Variants in ATF6 observed in about 807,000 individuals in gnomAD.
ATF6 encodes activating transcription factor 6.
A neutral mutation model predicts 83.6 loss-of-function variants in ATF6; 53 were observed. That is an observed-to-expected ratio of 0.63 (90% CI 0.51 to 0.80). The LOEUF is 0.80. Among genes scored for constraint, ATF6 ranks in the 30% least tolerant of loss-of-function variants. ATF6 has a pLI of 0.00. For synonymous variants in ATF6, 288 were observed against 285.8 expected, an observed-to-expected ratio of 1.01 and a Z score of -0.08; for missense variants, 744 against 797.9, an observed-to-expected ratio of 0.93 and a Z score of 0.81.
chr1:161,904,242 A>G (rs137877757), intron 14 of ATF6, among the ~76,000 whole-genome samples: 154 of 152,328 alleles, frequency 1.0e-3, no homozygotes, highest in African/African-American at 3.4e-3. Context: ...TGACCAAACA[A>G]TTTAAAAATT....
At chr1:161,869,975 G>A (rs10399867) in intron 14 of ATF6, among the ~76,000 whole-genome samples, 22,925 of 151,516 alleles carry the variant, frequency 0.15, 2,647 homozygotes, top group African/African-American at 0.32. Flanking sequence ...CACAAAAATG[G>A]TAAGCATTAG....
chr1:161,909,583 A>G (rs1000347841), intron 14 of ATF6, among the ~76,000 whole-genome samples: 5 of 152,176 alleles, frequency 3.3e-5, no homozygotes, highest in Non-Finnish European at 7.4e-5. Flanking sequence ...ACTTGGATTT[A>G]TATTCTTTAA....
chr1:161,772,038 C>T (rs998570432), intron 1 of ATF6, among the ~76,000 whole-genome samples: 8 of 152,228 alleles, frequency 5.3e-5, no homozygotes, highest in African/African-American at 1.2e-4. Context: ...TGACTGCCTT[C>T]GCCTGTTTTA....
Position 161,860,191 on chromosome 1 carries a change from T to A in ATF6, c.1534-16T>A. 6.4e-7 allele frequency: 1 copy of A among 1,563,390 alleles called. No homozygotes were observed. Among genetic ancestry groups the A allele is most frequent in the Non-Finnish European group, 8.6e-7 (1 of 1,158,018 alleles). ...TGTGATACAGTATTAAACTTTTTTT[T>A]TTTTTAATATTCCAGGGTGCTCTGG... On this transcript the variant is annotated splice_polypyrimidine_tract_variant and intron_variant, in intron 12 of 15. Coordinates refer to ENST00000367942, the MANE Select transcript of ATF6 (RefSeq NM_007348.4).
At chr1:161,939,901 G>T (rs558612802) in intron 15 of ATF6, among the ~76,000 whole-genome samples, 5 of 152,198 alleles carry the variant, frequency 3.3e-5, no homozygotes, top group Non-Finnish European at 7.3e-5. Flanking sequence ...TTTACTAGAG[G>T]AAAAAGAGCG....
At position 161,958,913 on chromosome 1, in the gene ATF6, G is replaced by C; in HGVS notation, c.*259G>C. 6.2e-6 allele frequency: 2 copies of C among 323,458 alleles called. No homozygotes were observed. Among genetic ancestry groups the C allele is most frequent in the African/African-American group, 2.1e-5 (1 of 47,426 alleles). 20.0% of individuals were successfully genotyped at this position (323,458 alleles called of 1,614,324 possible). A position where few individuals can be genotyped will look rare whatever the true frequency, so the allele number is the denominator to read the frequency against. On this transcript the variant is annotated 3_prime_UTR_variant, in exon 16 of 16. Coordinates refer to ENST00000367942, the MANE Select transcript of ATF6 (RefSeq NM_007348.4). ...AGCCCTGCATCCTCCAGTGTTACCT[G>C]GTGTAGATTTTTTTTTCTGTACCTT...
rs547700000 is a variant in ATF6 at position 161,911,148 on chromosome 1, C to A, written c.1720-1148C>A. 5.3e-5 allele frequency among the ~76,000 whole-genome samples: 8 copies of A among 152,112 alleles called. No homozygotes were observed. The South Asian group carries it at 1.7e-3, about 32-fold the overall frequency. On this transcript the variant is annotated intron_variant, in intron 14 of 15. Coordinates refer to ENST00000367942, the MANE Select transcript of ATF6 (RefSeq NM_007348.4). ...GATCCTACTTTTTGATGAGTTATTT[C>A]ATATAGTAAGTTTGTTGAATGAATG...
At chr1:161,858,721 A>G (rs758817276) in intron 12 of ATF6, among the ~76,000 whole-genome samples, 14 of 152,318 alleles carry the variant, frequency 9.2e-5, no homozygotes, top group Middle Eastern at 3.4e-3. Flanking sequence ...ATTTTTGTCA[A>G]TTATGATCTT....
At chr1:161,767,464 A>G (rs1557949191) in intron 1 of ATF6, among the ~76,000 whole-genome samples, 1 of 152,058 alleles carries the variant, frequency 6.6e-6, no homozygotes, top group Non-Finnish European at 1.5e-5. Context: ...TTTTATTCCC[A>G]TTTTCCCAAG....
chr1:161,843,912 A>C (rs372843564), intron 9 of ATF6, among the ~76,000 whole-genome samples: 2 of 152,328 alleles, frequency 1.3e-5, no homozygotes, highest in South Asian at 2.1e-4. Context: ...AGTGTTTTTA[A>C]AGGAATTGAT....
intron 1 of ATF6, among the ~76,000 whole-genome samples, chr1:161,775,522 G>A (rs904850410): frequency 1.3e-5 from 2 of 151,994 alleles, no homozygotes; most frequent in South Asian, 2.1e-4. Flanking sequence ...CCTTTGTTCC[G>A]TGATGAACTC....
At chr1:161,872,538 T>C (rs547838992) in intron 14 of ATF6, among the ~76,000 whole-genome samples, 48 of 151,604 alleles carry the variant, frequency 3.2e-4, no homozygotes, top group Admixed American at 3.0e-3. Flanking sequence ...ATTAGAAATA[T>C]AGGAGAATTG....
chr1:161,869,130 G>GT (rs1357542211), intron 14 of ATF6, among the ~76,000 whole-genome samples: 1 of 151,946 alleles, frequency 6.6e-6, no homozygotes, highest in African/African-American at 2.4e-5. Context: ...TTTGCCAGAG[G>GT]TTTAGTCCCA....
chr1:161,816,507 TGTAA>T (rs1034180856), intron 7 of ATF6, among the ~76,000 whole-genome samples: 6 of 152,330 alleles, frequency 3.9e-5, no homozygotes, highest in East Asian at 1.9e-4. Context: ...GAAGCTGTTG[TGTAA>T]GTATCACTGG....
At chr1:161,857,394 C>T (rs947773642) in intron 12 of ATF6, among the ~76,000 whole-genome samples, 17 of 152,054 alleles carry the variant, frequency 1.1e-4, no homozygotes, top group African/African-American at 3.6e-4. Context: ...TTTGATTTGA[C>T]TTGTCCTGTT....
chr1:161,875,381 G>A (rs1687193175), intron 14 of ATF6, among the ~76,000 whole-genome samples: 1 of 151,788 alleles, frequency 6.6e-6, no homozygotes, highest in African/African-American at 2.4e-5. Flanking sequence ...CCTGTGCAAG[G>A]TTTTGTTACA....
intron 14 of ATF6, among the ~76,000 whole-genome samples, chr1:161,900,020 C>T (rs1397064424): frequency 1.3e-5 from 2 of 152,136 alleles, no homozygotes; most frequent in African/African-American, 4.8e-5. Flanking sequence ...TCTCCAGTTT[C>T]CTCCCACATC....
intron 9 of ATF6, among the ~76,000 whole-genome samples, chr1:161,842,627 G>A (rs1001262126): frequency 3.9e-5 from 6 of 152,128 alleles, no homozygotes; most frequent in Non-Finnish European, 1.5e-5. Flanking sequence ...ACCAAACAGC[G>A]TTATATTCTC....
At position 161,920,294 on chromosome 1, in the gene ATF6, C is replaced by CTTTTTTTTTTTTTTTTTTTTTTTTTT. The variant is rs71798307; in HGVS notation, c.1804+7932_1804+7933insTTTTTTTTTTTTTTTTTTTTTTTTTT. 8.0e-4 allele frequency among the ~76,000 whole-genome samples: 44 copies of CTTTTTTTTTTTTTTTTTTTTTTTTTT among 54,838 alleles called. 19 individuals carry two copies. Among genetic ancestry groups the CTTTTTTTTTTTTTTTTTTTTTTTTTT allele is most frequent in the South Asian group, 1.8e-3 (2 of 1,118 alleles). The allele number at this position is 54,838 out of a possible 152,430, so 36.0% of individuals were successfully genotyped here. ...TAGTTCTCTTTCTCTCTCTCTCTCT[C>CTTTTTTTTTTTTTTTTTTTTTTTTTT]TTTTTTTTTTTTTTTTTTGAGACAG... On this transcript the variant is annotated intron_variant, in intron 15 of 15. Coordinates refer to ENST00000367942, the MANE Select transcript of ATF6 (RefSeq NM_007348.4).
Sources: allele counts gnomAD v4.1 joint callset (sites outside exome capture counted in the v4.1 genomes callset), GRCh38; gene constraint gnomAD v4.1.1; transcripts MANE v1.5; gene names NCBI Gene and HGNC (gene_info 2026-07-23, HGNC 2026-07-21).